SMG6: variants seen among roughly 807,000 people sequenced by gnomAD.
SMG6 encodes the protein SMG6 nonsense mediated mRNA decay factor.
SMG6 carries 66 observed loss-of-function variants against 142.2 expected under a neutral mutation model. That is an observed-to-expected ratio of 0.46 (90% confidence interval 0.38 to 0.57). The LOEUF (loss-of-function observed/expected upper bound fraction) is 0.57. SMG6 is among the 20% of genes least tolerant of loss of function. SMG6 has a pLI of 0.00. For missense variants in SMG6, 1,793 were observed against 1,832.0 expected (o/e 0.98, Z 0.39); for synonymous variants, 779 against 702.4 (o/e 1.11, Z -1.72).
intron 13 of SMG6, chr17:2,087,023 G>A: frequency 3.1e-6 from 4 of 1,289,836 alleles, no homozygotes; most frequent in Admixed American, 2.3e-5. Context: ...TAGTGTGAAA[G>A]GAACTTCACA....
intron 8 of SMG6, among the ~76,000 whole-genome samples, chr17:2,248,884 T>C (rs953512655): frequency 1.5e-4 from 22 of 144,456 alleles, no homozygotes; most frequent in Admixed American, 8.0e-4. Flanking sequence ...ACAGATACTT[T>C]GGAGAACTTT....
intron 14 of SMG6, among the ~76,000 whole-genome samples, chr17:2,084,031 G>T (rs1428051974): frequency 6.6e-6 from 1 of 152,206 alleles, no homozygotes; most frequent in Non-Finnish European, 1.5e-5. Flanking sequence ...CAAGATCCGG[G>T]ACCAGAGAAG....
At chr17:2,278,166 C>T (rs184303294) in intron 8 of SMG6, among the ~76,000 whole-genome samples, 2 of 151,226 alleles carry the variant, frequency 1.3e-5, no homozygotes, top group Admixed American at 6.6e-5. Flanking sequence ...GTGATGTCTC[C>T]GAAGGAAAGA....
At chr17:2,078,857 C>T (rs569620553) in intron 15 of SMG6, among the ~76,000 whole-genome samples, 2 of 152,142 alleles carry the variant, frequency 1.3e-5, no homozygotes, top group African/African-American at 4.8e-5. Flanking sequence ...CTTTAGGGCC[C>T]AAAGACAAAG....
chr17:2,126,031 TA>T (rs1480533505), intron 13 of SMG6, among the ~76,000 whole-genome samples: 2 of 151,088 alleles, frequency 1.3e-5, no homozygotes, highest in African/African-American at 4.9e-5. Flanking sequence ...GAACAAAAGT[TA>T]AAGGGCTCAT....
At chr17:2,225,974 G>C (rs1031189854) in intron 10 of SMG6, among the ~76,000 whole-genome samples, 1 of 152,174 alleles carries the variant, frequency 6.6e-6, no homozygotes, top group Non-Finnish European at 1.5e-5. Context: ...GTTATAGAGA[G>C]AACTCTTAAG....
intron 10 of SMG6, among the ~76,000 whole-genome samples, chr17:2,221,560 C>T (rs761292582): frequency 1.3e-5 from 2 of 152,124 alleles, no homozygotes; most frequent in Non-Finnish European, 2.9e-5. Flanking sequence ...ACAGTAGATA[C>T]CAAAGCACAT....
rs116800502 is a variant in SMG6, at chr17:2,299,927, T to C, written c.826A>G (p.Asn276Asp). 2,713 of 1,614,164 alleles carry C rather than the reference T, an allele frequency of 1.7e-3. 48 individuals carry two copies. In the African/African-American group the frequency reaches 0.033, roughly 19 times the overall value. Residue 276 changes from asparagine (N) to aspartate (D), a missense_variant, in exon 2 of 19, where the codon AAT (asparagine) becomes GAT (aspartate). By Grantham distance (23) the Asn-to-Asp change is conservative. This residue lies in a region of SMG6 where 1,597 missense variants were observed against 1,584.6 expected (regional missense o/e 1.01). Transcript: ENST00000263073. This position sits in a 1 kb window ranked among gnomAD's most constrained non-coding sequence, Gnocchi z 4.3. Reference protein sequence around the residue: ...NSAEGAGLTDNGCRRRRQDRT... With the variant: ...NSAEGAGLTDDGCRRRRQDRT... ...TCCTGTCGGCGGCGGCGACATCCAT[T>C]ATCCGTCAGGCCAGCTCCCTCAGCG...
In SMG6 at chr17:2,244,982, C is replaced by CGGT. The variant is rs1169450554; in HGVS notation, c.2662-266_2662-264dup. ...TGGCACCTGTGTGCAGGGGATGAGG[C>CGGT]GGTGAATCCTAATAAGCAGGATATA... On this transcript the variant is annotated intron_variant, in intron 8 of 18. Coordinates refer to ENST00000263073, the MANE Select transcript of SMG6 (RefSeq NM_017575.5). 8.2e-6 allele frequency: 4 copies of CGGT among 486,678 alleles called. No individual in the cohort carries two copies. The East Asian group carries it at 1.3e-4, about 16-fold the overall frequency. The allele number at this position is 486,678 out of a possible 1,614,324, so 30.1% of individuals were successfully genotyped here. A position where few individuals can be genotyped will look rare whatever the true frequency, so the allele number is the denominator to read the frequency against.
chr17:2,205,956 G>A (rs1297770372), intron 10 of SMG6, among the ~76,000 whole-genome samples: 1 of 151,974 alleles, frequency 6.6e-6, no homozygotes, highest in South Asian at 2.1e-4. Flanking sequence ...CTACAGATGT[G>A]TGCCACCATG....
intron 6 of SMG6, among the ~76,000 whole-genome samples, chr17:2,286,057 A>G (rs889897915): frequency 6.6e-6 from 1 of 152,204 alleles, no homozygotes; most frequent in Non-Finnish European, 1.5e-5. Context: ...AAAGAATGAC[A>G]TACTTAGGAA....
intron 13 of SMG6, among the ~76,000 whole-genome samples, chr17:2,165,271 A>G (rs908179268): frequency 9.1e-5 from 13 of 143,094 alleles, no homozygotes; most frequent in Admixed American, 9.0e-4. Context: ...TATCATTTAT[A>G]TGAAAGAGAC....
intron 2 of SMG6, among the ~76,000 whole-genome samples, 187 bp from the exon 3 acceptor site, chr17:2,298,242 T>C (rs2075187602): frequency 6.6e-6 from 1 of 152,336 alleles, no homozygotes; most frequent in Middle Eastern, 3.4e-3. Flanking sequence ...TAGTTGTGTC[T>C]AGGAAAATAG....
At chr17:2,238,593 T>C (rs1057177217) in intron 9 of SMG6, among the ~76,000 whole-genome samples, 1 of 152,200 alleles carries the variant, frequency 6.6e-6, no homozygotes. Flanking sequence ...GCAGCCACGC[T>C]GGGCAAGTTT....
chr17:2,125,424 C>T (rs1271736120), intron 13 of SMG6, among the ~76,000 whole-genome samples: 3 of 152,208 alleles, frequency 2.0e-5, no homozygotes, highest in African/African-American at 7.2e-5. Flanking sequence ...CTTGGGCTTG[C>T]TGGCCAATAG....
chr17:2,129,886 T>C (rs996085495), intron 13 of SMG6, among the ~76,000 whole-genome samples: 5 of 141,892 alleles, frequency 3.5e-5, no homozygotes, highest in Non-Finnish European at 6.1e-5. Context: ...GTTAGAAACA[T>C]AGAATTTCTA....
chr17:2,074,331 C>T lies in SMG6; in HGVS notation c.3682-5400G>A, dbSNP rs1381855007. 2.6e-5 allele frequency among the ~76,000 whole-genome samples: 4 copies of T among 152,222 alleles called. No individual in the cohort carries two copies. The East Asian group carries it at 5.8e-4, about 22-fold the overall frequency. ...ACTGGAAATAAAATAAAAATAGGAA[C>T]AGTGGGTGAGATAAGCACTGGCTAA... On this transcript the variant is annotated intron_variant, in intron 15 of 18. Transcript: ENST00000263073.
At chr17:2,167,080 C>A (rs2071361156) in intron 13 of SMG6, among the ~76,000 whole-genome samples, 1 of 121,486 alleles carries the variant, frequency 8.2e-6, no homozygotes, top group African/African-American at 3.3e-5. Flanking sequence ...TGCAGTGAGC[C>A]GAGATCACAC....
chr17:2,087,181 T>C (rs1362964435), intron 13 of SMG6: 1 of 1,290,484 alleles, frequency 7.7e-7, no homozygotes, highest in Non-Finnish European at 1.0e-6. Context: ...CGTACGTCAC[T>C]GGCAAGAATT....
Sources: allele counts gnomAD v4.1 joint callset (sites outside exome capture counted in the v4.1 genomes callset), GRCh38; gene constraint gnomAD v4.1.1; regional missense constraint gnomAD v4.1.1; non-coding constraint Gnocchi (gnomAD v3.1); transcripts MANE v1.5; gene names NCBI Gene and HGNC (gene_info 2026-07-23, HGNC 2026-07-21).